CHSY3: variants seen among roughly 807,000 people sequenced by gnomAD.
CHSY3 encodes the protein chondroitin sulfate synthase 3.
Under a neutral mutation model 67.2 loss-of-function variants are expected in CHSY3, and 35 were observed. The observed-to-expected ratio is 0.52, with a 90% CI of 0.40 to 0.69. The LOEUF is 0.69. Ranked by LOEUF, CHSY3 falls within the 30% of genes least tolerant of loss-of-function variation. The pLI, the probability that CHSY3 is intolerant of heterozygous loss-of-function variation, is 0.00. For synonymous variants in CHSY3, 474 were observed against 434.7 expected (o/e 1.09, Z -1.12); for missense variants, 1,069 against 1,138.5 (o/e 0.94, Z 0.88).
Position 130,184,592 on chromosome 5 carries a change from C to T in CHSY3, c.1450C>T (p.Arg484Ter). 2.5e-6 allele frequency: 4 copies of T among 1,611,918 alleles called. No homozygotes were observed. Among genetic ancestry groups the T allele is most frequent in the Non-Finnish European group, 3.4e-6 (4 of 1,178,038 alleles). Reference sequence around the variant, plus strand: ...CTCAGCAGCTGAGAACCAGCCCCCTCGACAGAGCCTCAGTAGCATTTTAAG... The same window carrying T: ...CTCAGCAGCTGAGAACCAGCCCCCTTGACAGAGCCTCAGTAGCATTTTAAG... ...LYSAAENQPP[R>*]QSLSSILRTA... The change falls in exon 3 of 3, where the codon CGA becomes TGA. Residue 484 changes from arginine to a stop codon, truncating the protein, a stop_gained. Coordinates refer to ENST00000305031, the MANE Select transcript of CHSY3 (RefSeq NM_175856.5). LOFTEE classifies it high-confidence loss of function.
At chr5:130,124,832 A>C (rs1374452607) in intron 2 of CHSY3, among the ~76,000 whole-genome samples, 2 of 152,198 alleles carry the variant, frequency 1.3e-5, no homozygotes, top group East Asian at 3.9e-4. Context: ...CATGTACCCC[A>C]GAACTGAAAG....
At position 129,983,063 on chromosome 5, in the gene CHSY3, TA is replaced by T. The variant is rs377254363; in HGVS notation, c.1086+74705del. ...TAACTTTCCATGTTGTAGTGAAGCA[TA>T]ATACTTGTTTCAAACAAAAATTGAG... On this transcript the variant is annotated intron_variant, in intron 2 of 2. Coordinates refer to ENST00000305031, the MANE Select transcript of CHSY3 (RefSeq NM_175856.5). 5.4e-3 allele frequency among the ~76,000 whole-genome samples: 818 copies of T among 152,264 alleles called. 5 individuals carry two copies. Among genetic ancestry groups the T allele is most frequent in the African/African-American group, 0.019 (778 of 41,580 alleles).
At chr5:129,956,962 A>C (rs1242976843) in intron 2 of CHSY3, among the ~76,000 whole-genome samples, 3 of 151,886 alleles carry the variant, frequency 2.0e-5, no homozygotes, top group Non-Finnish European at 2.9e-5. Flanking sequence ...TTTTGGTTTC[A>C]TATTAATTGT....
chr5:129,923,337 T>C (rs552267557), intron 2 of CHSY3, among the ~76,000 whole-genome samples: 1 of 152,200 alleles, frequency 6.6e-6, no homozygotes, highest in East Asian at 1.9e-4. Flanking sequence ...GGTTGTTGTG[T>C]TTGAGCCATT....
intron 2 of CHSY3, among the ~76,000 whole-genome samples, chr5:130,096,519 G>A (rs999645152): frequency 6.6e-6 from 1 of 152,108 alleles, no homozygotes; most frequent in Non-Finnish European, 1.5e-5. Context: ...ATCTTCCATG[G>A]TTATGTAACA....
intron 2 of CHSY3, among the ~76,000 whole-genome samples, chr5:129,974,000 T>C (rs1164451863): frequency 1.3e-5 from 2 of 152,116 alleles, no homozygotes; most frequent in East Asian, 3.9e-4. Context: ...TGTTTGTCAG[T>C]CTCTTGTCTC....
chr5:130,164,518 C>T (rs1392960913), intron 2 of CHSY3, among the ~76,000 whole-genome samples: 1 of 152,096 alleles, frequency 6.6e-6, no homozygotes, highest in Non-Finnish European at 1.5e-5. Flanking sequence ...CCCCCTCTTT[C>T]AATATATCAC....
At chr5:129,963,324 C>T (rs1762387012) in intron 2 of CHSY3, among the ~76,000 whole-genome samples, 1 of 152,026 alleles carries the variant, frequency 6.6e-6, no homozygotes, top group African/African-American at 2.4e-5. Flanking sequence ...GCATGAGAAA[C>T]ATTTTTCAAT....
At chr5:130,077,996 T>C (rs755767373) in intron 2 of CHSY3, among the ~76,000 whole-genome samples, 4 of 152,132 alleles carry the variant, frequency 2.6e-5, no homozygotes, top group Non-Finnish European at 5.9e-5. Context: ...TGCCAGTCAC[T>C]GTGCTAAGCA....
At chr5:129,941,388 A>C (rs1443620330) in intron 2 of CHSY3, among the ~76,000 whole-genome samples, 1 of 152,148 alleles carries the variant, frequency 6.6e-6, no homozygotes, top group African/African-American at 2.4e-5. Context: ...CATTATATTA[A>C]ATTATATGAG....
intron 2 of CHSY3, among the ~76,000 whole-genome samples, chr5:129,981,200 G>A (rs984588899): frequency 2.7e-5 from 4 of 149,170 alleles, no homozygotes; most frequent in East Asian, 2.0e-4. Flanking sequence ...TGGCCTGGGC[G>A]AAAGAGGGAG....
At position 130,159,674 on chromosome 5, in the gene CHSY3, T is replaced by C. The variant is rs144764525; in HGVS notation, c.1087-24555T>C. Among the ~76,000 whole-genome samples, 308 of 152,306 alleles carry C rather than the reference T, an allele frequency of 2.0e-3. 2 individuals carry two copies. The highest frequency in any genetic ancestry group is 6.8e-3 in the Middle Eastern group (2 of 294). On this transcript the variant is annotated intron_variant, in intron 2 of 2. Transcript: ENST00000305031. ...TTTTCTCTGTAATATGCAAATTAAGTCTAATACCTTTAAGCAAATTAGCAT... is the reference window on the plus strand; with the variant it reads ...TTTTCTCTGTAATATGCAAATTAAGCCTAATACCTTTAAGCAAATTAGCAT...
At chr5:130,002,602 A>G (rs1580637022) in intron 2 of CHSY3, among the ~76,000 whole-genome samples, 1 of 152,246 alleles carries the variant, frequency 6.6e-6, no homozygotes, top group Admixed American at 6.5e-5. Flanking sequence ...GCTACAATGT[A>G]GGAGCCACCA....
At position 129,907,555 on chromosome 5, in the gene CHSY3, T is replaced by C. The variant is rs73785808; in HGVS notation, c.803-522T>C. Among the ~76,000 whole-genome samples the C allele has an allele frequency of 8.3e-3, 1,259 of 152,310 alleles. 9 individuals are homozygous for C. The highest frequency in any genetic ancestry group is 0.029 in the African/African-American group (1,195 of 41,564). ...ACAAACTTTTTTCTAAAAAGGTGCC[T>C]TCCCAAATTAAATTTCAAGACAGGT... On this transcript the variant is annotated intron_variant, in intron 1 of 2. Coordinates refer to ENST00000305031, the MANE Select transcript of CHSY3 (RefSeq NM_175856.5).
At chr5:130,046,206 C>A (rs1270689366) in intron 2 of CHSY3, among the ~76,000 whole-genome samples, 1 of 151,992 alleles carries the variant, frequency 6.6e-6, no homozygotes, top group East Asian at 1.9e-4. Context: ...TTTCTTGCAT[C>A]CAAATCTTTT....
intron 2 of CHSY3, among the ~76,000 whole-genome samples, chr5:130,086,477 A>G (rs572180038): frequency 1.3e-5 from 2 of 151,950 alleles, no homozygotes; most frequent in Non-Finnish European, 2.9e-5. Context: ...ATCTTCCTCC[A>G]TCGTTTTATT....
chr5:130,108,521 T>A (rs1043975305), intron 2 of CHSY3, among the ~76,000 whole-genome samples: 3 of 151,714 alleles, frequency 2.0e-5, no homozygotes, highest in African/African-American at 7.2e-5. Context: ...CAAGATTTCA[T>A]GAAATGGTAG....
chr5:129,904,719 G>A lies in CHSY3; in HGVS notation c.-111G>A. ...GCCGGTGTCGGCGCCTAGGCGGCCG[G>A]CTGCGGCCGCGGCTGGGGGCGCAAA... On this transcript the variant is annotated 5_prime_UTR_variant, in exon 1 of 3. Coordinates refer to ENST00000305031, the MANE Select transcript of CHSY3 (RefSeq NM_175856.5). 3 of 1,224,472 alleles carry A rather than the reference G, an allele frequency of 2.5e-6. No individual in the cohort carries two copies. The highest frequency in any genetic ancestry group is 3.1e-6 in the Non-Finnish European group (3 of 983,488). 75.9% of individuals were successfully genotyped at this position (1,224,472 alleles called of 1,614,324 possible). A position where few individuals can be genotyped will look rare whatever the true frequency, so the allele number is the denominator to read the frequency against.
At chr5:129,919,077 G>A (rs1380482487) in intron 2 of CHSY3, among the ~76,000 whole-genome samples, 1 of 117,520 alleles carries the variant, frequency 8.5e-6, no homozygotes, top group Non-Finnish European at 1.6e-5. Context: ...ACTGCAGTCC[G>A]CAGTCCGGCC....
Sources: allele counts gnomAD v4.1 joint callset (sites outside exome capture counted in the v4.1 genomes callset), GRCh38; gene constraint gnomAD v4.1.1; transcripts MANE v1.5; gene names NCBI Gene and HGNC (gene_info 2026-07-23, HGNC 2026-07-21).